The following ZNF608 variants were observed in gnomAD, a reference collection of about 807,000 sequenced individuals.
ZNF608 encodes the protein zinc finger protein 608, also known as renal carcinoma antigen NY-REN-36.
In ZNF608, 12 loss-of-function variants were observed where a neutral mutation model predicts 109.0. That is an observed-to-expected ratio of 0.11 (90% CI 0.07 to 0.18). The LOEUF (loss-of-function observed/expected upper bound fraction) is 0.18, where lower values mean the gene tolerates loss of function less well. Ranked by LOEUF, ZNF608 falls within the 10% of genes least tolerant of loss-of-function variation. ZNF608 has a pLI of 1.00. For synonymous variants in ZNF608, 732 were observed against 717.4 expected, an observed-to-expected ratio of 1.02 and a Z score of -0.33; for missense variants, 1,707 against 1,879.3, an observed-to-expected ratio of 0.91 and a Z score of 1.70.
chr5:124,694,973 C>G (rs1397018591), intron 3 of ZNF608, among the ~76,000 whole-genome samples: 1 of 152,168 alleles, frequency 6.6e-6, no homozygotes, highest in African/African-American at 2.4e-5. Context: ...TCCAGCCCCT[C>G]AGAACTTCTG....
intron 3 of ZNF608, among the ~76,000 whole-genome samples, chr5:124,651,846 C>T (rs919474003): frequency 2.0e-5 from 3 of 152,238 alleles, no homozygotes; most frequent in Non-Finnish European, 4.4e-5. Context: ...CAAAGGGACG[C>T]ATCCCCCACG....
chr5:124,723,099 T>C (rs1753998693), intron 2 of ZNF608, among the ~76,000 whole-genome samples: 5 of 151,750 alleles, frequency 3.3e-5, no homozygotes, highest in African/African-American at 9.7e-5. Context: ...GGCACGATCT[T>C]GGCTCACTGC....
intron 2 of ZNF608, among the ~76,000 whole-genome samples, chr5:124,704,315 A>G (rs1309049484): frequency 6.6e-6 from 1 of 152,144 alleles, no homozygotes; most frequent in Non-Finnish European, 1.5e-5. Context: ...TCGGCTTCTC[A>G]TGGTGGCTCA....
At chr5:124,681,620 G>A (rs73296666) in intron 3 of ZNF608, among the ~76,000 whole-genome samples, 2,730 of 152,274 alleles carry the variant, frequency 0.018, 85 homozygotes, top group African/African-American at 0.062. Flanking sequence ...GTTGGCACAT[G>A]ACTGTTAAGT....
At chr5:124,669,821 C>G (rs1751642127) in intron 3 of ZNF608, among the ~76,000 whole-genome samples, 1 of 152,080 alleles carries the variant, frequency 6.6e-6, no homozygotes, top group African/African-American at 2.4e-5. Flanking sequence ...CCTAAGGATC[C>G]AAGGTGATTC....
At chr5:124,724,760 T>C (rs1017385819) in intron 2 of ZNF608, among the ~76,000 whole-genome samples, 1 of 152,204 alleles carries the variant, frequency 6.6e-6, no homozygotes, top group Admixed American at 6.5e-5. Context: ...CGATCTTGCA[T>C]GTGAAATCAG....
At chr5:124,650,246 A>T (rs1750719149) in intron 3 of ZNF608, among the ~76,000 whole-genome samples, 1 of 152,234 alleles carries the variant, frequency 6.6e-6, no homozygotes, top group Non-Finnish European at 1.5e-5. Flanking sequence ...GATAGCAGAC[A>T]ATCAACTACG....
At chr5:124,722,442 G>A (rs1053132067) in intron 2 of ZNF608, among the ~76,000 whole-genome samples, 3 of 152,098 alleles carry the variant, frequency 2.0e-5, no homozygotes, top group Non-Finnish European at 4.4e-5. Context: ...TATTCCTAGG[G>A]CTGGAGCTGC....
chr5:124,678,449 A>G (rs1446257503), intron 3 of ZNF608, among the ~76,000 whole-genome samples: 1 of 152,148 alleles, frequency 6.6e-6, no homozygotes, highest in African/African-American at 2.4e-5. Context: ...TTCCCCTTCT[A>G]AGTGCCACTG....
At chr5:124,731,969 C>T (rs932768714) in intron 2 of ZNF608, among the ~76,000 whole-genome samples, 1 of 152,098 alleles carries the variant, frequency 6.6e-6, no homozygotes, top group Non-Finnish European at 1.5e-5. Context: ...TTTGACAAAA[C>T]TGAAACTACT....
chr5:124,708,508 T>C (rs985709878), intron 2 of ZNF608, among the ~76,000 whole-genome samples: 1 of 152,178 alleles, frequency 6.6e-6, no homozygotes, highest in African/African-American at 2.4e-5. Context: ...TATACCTGAA[T>C]CACCCTTTAT....
Position 124,744,951 on chromosome 5 carries a change from A to G in ZNF608, c.39T>C (p.Asp13=). ...TGTCATAAGTATCAACTGTATTTGG[A>G]TCCACACCTTTTCCTGCAGTAGAAA... ...VNISTAGKGV[D]PNTVDTYDSG... is the part of the protein sequence containing the mutation. Residue 13 remains aspartate (D), a synonymous_variant, in exon 2 of 10, where the codon GAT becomes GAC. Coordinates refer to ENST00000513986, the MANE Select transcript of ZNF608 (RefSeq NM_020747.3). This position sits in a 1 kb window ranked among gnomAD's most constrained non-coding sequence, Gnocchi z 4.5. 6.2e-7 allele frequency: 1 copy of G among 1,613,678 alleles called. No homozygotes were observed. Among genetic ancestry groups the G allele is most frequent in the Non-Finnish European group, 8.5e-7 (1 of 1,179,730 alleles).
At chr5:124,691,405 C>A (rs1333273873) in intron 3 of ZNF608, among the ~76,000 whole-genome samples, 1 of 152,116 alleles carries the variant, frequency 6.6e-6, no homozygotes, top group Non-Finnish European at 1.5e-5. Context: ...GAAATGCAAT[C>A]AAAACCATGA....
chr5:124,697,319 G>A (rs1179387930), intron 3 of ZNF608, among the ~76,000 whole-genome samples: 1 of 149,982 alleles, frequency 6.7e-6, no homozygotes, highest in African/African-American at 2.4e-5. Flanking sequence ...CAGCACATAT[G>A]TATTTACACA....
chr5:124,661,605 G>T (rs1751263972), intron 3 of ZNF608, among the ~76,000 whole-genome samples: 1 of 152,152 alleles, frequency 6.6e-6, no homozygotes, highest in Non-Finnish European at 1.5e-5. Context: ...GCACAGGGAA[G>T]GTAAAAGGGC....
At chr5:124,704,334 A>C (rs569805396) in intron 2 of ZNF608, among the ~76,000 whole-genome samples, 2 of 152,140 alleles carry the variant, frequency 1.3e-5, no homozygotes, top group South Asian at 2.1e-4. Context: ...CAGAACTGCC[A>C]CTCCCATAGG....
rs1399593752 is a variant in ZNF608 at position 124,648,055 on chromosome 5, G to C, written c.2329C>G (p.Gln777Glu). The C allele has an allele frequency of 6.2e-7, 1 of 1,613,944 alleles. No individual in the cohort carries two copies. Among genetic ancestry groups the C allele is most frequent in the Admixed American group, 1.7e-5 (1 of 59,994 alleles). ...AACGGAGGACTCTTTGGTGTAGCCT[G>C]AACAACAGTTGTTGTGAGGGAGGGC... ...GLPSLTTTVV[Q>E]ATPKSPPLKP... The change falls in exon 5 of 10, where the codon CAG becomes GAG. Residue 777 changes from glutamine (Q) to glutamate (E), a missense_variant. Gln to Glu is a conservative substitution (Grantham distance 29). This residue lies in a region of ZNF608 where 1,073 missense variants were observed against 1,133.5 expected (regional missense o/e 0.95). Transcript: ENST00000513986.
At chr5:124,654,094 G>A (rs1750908084) in intron 3 of ZNF608, among the ~76,000 whole-genome samples, 1 of 152,124 alleles carries the variant, frequency 6.6e-6, no homozygotes, top group South Asian at 2.1e-4. Context: ...ATACCCTGCA[G>A]ATGCAGTCCA....
chr5:124,649,183 G>C, intron 4 of ZNF608, 50 bp from the exon 5 acceptor site: 3 of 1,464,584 alleles, frequency 2.0e-6, no homozygotes, highest in Non-Finnish European at 2.7e-6. Flanking sequence ...AAAAGAGCCA[G>C]GTGAAATCAC....
Sources: gnomAD v4.1 joint callset for allele counts (sites outside exome capture counted in the v4.1 genomes callset) on GRCh38, gnomAD v4.1.1 for gene constraint, gnomAD v4.1.1 regional missense constraint, Gnocchi (gnomAD v3.1) non-coding constraint, MANE v1.5 for transcripts, NCBI Gene and HGNC (gene_info 2026-07-23, HGNC 2026-07-21) for gene names.